CDH9: variants seen among roughly 807,000 people sequenced by gnomAD.
CDH9 encodes cadherin 9.
A neutral mutation model predicts 70.9 loss-of-function variants in CDH9; 28 were observed. That is an observed-to-expected ratio of 0.40 (90% CI 0.29 to 0.54). The LOEUF (loss-of-function observed/expected upper bound fraction) is 0.54. CDH9 is among the 20% of genes least tolerant of loss of function. The pLI, the probability that CDH9 is intolerant of heterozygous loss-of-function variation, is 0.59. For synonymous variants in CDH9, 409 were observed against 343.1 expected, an observed-to-expected ratio of 1.19 and a Z score of -2.12; for missense variants, 874 against 984.4, an observed-to-expected ratio of 0.89 and a Z score of 1.50.
intron 1 of CDH9, among the ~76,000 whole-genome samples, chr5:27,001,592 T>A (rs1184039913): frequency 1.3e-5 from 2 of 152,128 alleles, no homozygotes; most frequent in Non-Finnish European, 2.9e-5. Context: ...TATAGATATG[T>A]ATATTTACAC....
At chr5:26,974,589 C>A (rs1358865326) in intron 2 of CDH9, among the ~76,000 whole-genome samples, 1 of 152,048 alleles carries the variant, frequency 6.6e-6, no homozygotes, top group African/African-American at 2.4e-5. Flanking sequence ...ATAAACTTGT[C>A]TGAATGGATA....
intron 2 of CDH9, among the ~76,000 whole-genome samples, chr5:26,952,898 T>G (rs1208414251): frequency 2.8e-5 from 1 of 35,420 alleles, no homozygotes; most frequent in Non-Finnish European, 5.4e-5. Flanking sequence ...AATGTTTCTA[T>G]TCCAAAAAAA....
At chr5:27,016,488 T>A (rs561129355) in intron 1 of CDH9, among the ~76,000 whole-genome samples, 2 of 151,864 alleles carry the variant, frequency 1.3e-5, no homozygotes, top group Non-Finnish European at 2.9e-5. Context: ...GTGCTATACA[T>A]TTCATAAGAA....
chr5:27,019,758 T>A (rs10942231), intron 1 of CDH9, among the ~76,000 whole-genome samples: 71,325 of 151,646 alleles, frequency 0.47, 17,618 homozygotes, highest in African/African-American at 0.51. Flanking sequence ...AGTTTTAAAT[T>A]TACTCGTCGG....
At chr5:26,907,424 G>T (rs985290264) in intron 3 of CDH9, among the ~76,000 whole-genome samples, 2 of 151,834 alleles carry the variant, frequency 1.3e-5, no homozygotes, top group African/African-American at 2.4e-5. Context: ...AGATAATATG[G>T]TTCTTATGAT....
At position 26,881,129 on chromosome 5, in the gene CDH9, A is replaced by C. The variant is rs1407177150; in HGVS notation, c.*7T>G. On this transcript the variant is annotated 3_prime_UTR_variant, in exon 12 of 12. Transcript: ENST00000231021. ...TCCACTAATATTGATTAAGTCAAACAATCCTCTTAGTCTCGGTCACTATCA... is the reference window on the plus strand; with the variant it reads ...TCCACTAATATTGATTAAGTCAAACCATCCTCTTAGTCTCGGTCACTATCA... 1.3e-6 allele frequency: 2 copies of C among 1,588,840 alleles called. No individual in the cohort carries two copies. The highest frequency in any genetic ancestry group is 4.5e-5 in the East Asian group (2 of 44,636).
At chr5:26,910,585 C>G (rs1049520811) in intron 3 of CDH9, among the ~76,000 whole-genome samples, 4 of 152,094 alleles carry the variant, frequency 2.6e-5, no homozygotes, top group Non-Finnish European at 2.9e-5. Context: ...ATGGTAAAAC[C>G]AACTAAAGTT....
In CDH9 at chr5:26,922,041, G is replaced by C. The variant is rs546257451; in HGVS notation, c.229-6117C>G. 2.2e-5 allele frequency among the ~76,000 whole-genome samples: 3 copies of C among 137,460 alleles called. No homozygotes were observed. In the South Asian group the frequency reaches 7.5e-4, roughly 34 times the overall value. The allele number at this position is 137,460 out of a possible 152,430, so 90.2% of individuals were successfully genotyped here. A position where few individuals can be genotyped will look rare whatever the true frequency, so the allele number is the denominator to read the frequency against. ...CAAAATAGTCCAAAAAAAAAAAAAA[G>C]AGAGAGAGAGAAAGAGAGAATAAAA... On this transcript the variant is annotated intron_variant, in intron 2 of 11. Coordinates refer to ENST00000231021, the MANE Select transcript of CDH9 (RefSeq NM_016279.4).
chr5:27,001,844 A>ACACTCTCTCT (rs1312157550), intron 1 of CDH9, among the ~76,000 whole-genome samples: 36 of 142,056 alleles, frequency 2.5e-4, no homozygotes, highest in African/African-American at 9.0e-4. Flanking sequence ...ACACACACAC[A>ACACTCTCTCT]CTCTCTCTCT....
At chr5:26,988,524 G>A (rs917599518) in intron 1 of CDH9, 142 bp from the exon 2 acceptor site, 5 of 612,114 alleles carry the variant, frequency 8.2e-6, no homozygotes, top group South Asian at 4.7e-5. Flanking sequence ...TCAGTGAACG[G>A]TCATGAAAAA....
In CDH9 at chr5:26,902,604, T is replaced by C. The variant is rs756942748; in HGVS notation, c.1125A>G (p.Glu375=). 6.2e-7 allele frequency: 1 copy of C among 1,604,140 alleles called. No individual in the cohort carries two copies. Among genetic ancestry groups the C allele is most frequent in the Non-Finnish European group, 8.5e-7 (1 of 1,171,216 alleles). The stretch of plus-strand genomic sequence containing the variant: ...TGAACACAGGAGGCTCATCTATATC[T>C]TCCACAGATATTTTGACCACAGCTG... ...KDTAVVKISV[E]DIDEPPVFTK... Residue 375 remains glutamate (E), a synonymous_variant, in exon 7 of 12, where the codon GAA becomes GAG. Transcript: ENST00000231021.
At chr5:26,912,455 T>G (rs1741070342) in intron 3 of CDH9, among the ~76,000 whole-genome samples, 2 of 151,204 alleles carry the variant, frequency 1.3e-5, no homozygotes, top group African/African-American at 4.8e-5. Context: ...CTACTTTTTA[T>G]TTAGACACAT....
intron 2 of CDH9, among the ~76,000 whole-genome samples, chr5:26,928,134 A>G (rs1741378274): frequency 6.6e-6 from 1 of 152,086 alleles, no homozygotes. Flanking sequence ...AACTAATAAA[A>G]CCAATTCAGT....
chr5:26,935,790 T>C (rs113846380), intron 2 of CDH9, among the ~76,000 whole-genome samples: 14,700 of 152,128 alleles, frequency 0.097, 895 homozygotes, highest in East Asian at 0.19. Context: ...TTATATGAAA[T>C]AGACACATGC....
At chr5:26,888,844 C>G (rs932394047) in intron 9 of CDH9, among the ~76,000 whole-genome samples, 3 of 152,110 alleles carry the variant, frequency 2.0e-5, no homozygotes, top group African/African-American at 7.2e-5. Flanking sequence ...CCTTGGCCCA[C>G]GAATTCAGGG....
At chr5:26,986,722 C>T (rs773957920) in intron 2 of CDH9, among the ~76,000 whole-genome samples, 2 of 152,038 alleles carry the variant, frequency 1.3e-5, no homozygotes, top group African/African-American at 4.8e-5. Context: ...GGCAATTTCA[C>T]ATCCTTAGAC....
intron 1 of CDH9, among the ~76,000 whole-genome samples, chr5:27,035,199 T>C (rs910878070): frequency 3.4e-5 from 5 of 145,130 alleles, no homozygotes; most frequent in African/African-American, 1.3e-4. Context: ...ATATTTAACT[T>C]GACAGTCTTG....
At chr5:26,957,156 A>G (rs1455981090) in intron 2 of CDH9, among the ~76,000 whole-genome samples, 1 of 151,834 alleles carries the variant, frequency 6.6e-6, no homozygotes, top group African/African-American at 2.4e-5. Flanking sequence ...CACCATCAAT[A>G]ATTTCTTTTG....
At chr5:26,890,214 C>T (rs1740633188) in intron 8 of CDH9, among the ~76,000 whole-genome samples, 1 of 152,088 alleles carries the variant, frequency 6.6e-6, no homozygotes, top group African/African-American at 2.4e-5. Flanking sequence ...TTATATTTCT[C>T]TCCTATATAA....
Sources: gnomAD v4.1 joint callset for allele counts (sites outside exome capture counted in the v4.1 genomes callset) on GRCh38, gnomAD v4.1.1 for gene constraint, MANE v1.5 for transcripts, NCBI Gene and HGNC (gene_info 2026-07-23, HGNC 2026-07-21) for gene names.